Variants in CCDC194 observed in about 807,000 individuals in gnomAD.
CCDC194 encodes the protein coiled-coil domain-containing protein 194.
In CCDC194, 8 loss-of-function variants were observed where a neutral mutation model predicts 4.9. That is an observed-to-expected ratio of 1.65 (90% CI 0.97 to 2.97). The LOEUF (loss-of-function observed/expected upper bound fraction) is 2.97. Ranked by LOEUF, CCDC194 falls within the 30% of genes most tolerant of loss-of-function variation. CCDC194 has a pLI of 0.00. For missense variants in CCDC194, 52 were observed against 43.1 expected (o/e 1.21, Z -0.58); for synonymous variants, 13 against 17.0 (o/e 0.76, Z 0.58).
exon 2 of CCDC194, chr19:17,391,776 A>G: frequency 6.5e-7 from 1 of 1,535,460 alleles, no homozygotes; most frequent in Non-Finnish European, 8.7e-7. Flanking sequence ...CTCGGCCCCC[A>G]TCTGGGTCCC....
chr19:17,390,215 C>T (rs2074648826), downstream of CCDC194, among the ~76,000 whole-genome samples: 1 of 152,168 alleles, frequency 6.6e-6, no homozygotes, highest in Non-Finnish European at 1.5e-5. The surrounding 1 kb of genome is among the most constrained non-coding windows in gnomAD (Gnocchi z 5.5). Context: ...CTCCAGTCCT[C>T]ATATCTGTGG....
rs1394235695 is a variant in CCDC194, at chr19:17,390,712, A to G, written c.555-53T>C. On this transcript the variant is annotated intron_variant, in intron 3 of 3. Coordinates refer to ENST00000636079, the Ensembl canonical transcript of CCDC194. This position sits in a 1 kb window ranked among gnomAD's most constrained non-coding sequence, Gnocchi z 5.5. Reference sequence around the variant, plus strand: ...AGCCTCTGGACCCCTGTCCCCAGACATCGCCAGCCCTCATCCGCCAGAGCG... The same window carrying G: ...AGCCTCTGGACCCCTGTCCCCAGACGTCGCCAGCCCTCATCCGCCAGAGCG... 2.5e-6 allele frequency: 1 copy of G among 395,348 alleles called. No homozygotes were observed. Among genetic ancestry groups the G allele is most frequent in the Non-Finnish European group, 4.5e-6 (1 of 223,944 alleles). The allele number at this position is 395,348 out of a possible 1,614,324, so 24.5% of individuals were successfully genotyped here. A position where few individuals can be genotyped will look rare whatever the true frequency, so the allele number is the denominator to read the frequency against.
chr19:17,387,447 GC>G (rs2074639825), downstream of CCDC194, among the ~76,000 whole-genome samples: 2 of 152,078 alleles, frequency 1.3e-5, no homozygotes, highest in Non-Finnish European at 2.9e-5. Context: ...GCCGGGCACA[GC>G]GGCTCAGGCC....
downstream of CCDC194, among the ~76,000 whole-genome samples, chr19:17,388,740 A>C (rs1287020332): frequency 6.6e-6 from 1 of 151,694 alleles, no homozygotes; most frequent in African/African-American, 2.4e-5. Context: ...AGGGCTCAAG[A>C]GATCCTCCCG....
At position 17,391,860 on chromosome 19, in the gene CCDC194, G is replaced by T; in HGVS notation, c.325-14C>A. The T allele has an allele frequency of 6.7e-7, 1 of 1,500,766 alleles. No homozygotes were observed. The highest frequency in any genetic ancestry group is 8.9e-7 in the Non-Finnish European group (1 of 1,129,832). 93.0% of individuals were successfully genotyped at this position (1,500,766 alleles called of 1,614,324 possible). A position where few individuals can be genotyped will look rare whatever the true frequency, so the allele number is the denominator to read the frequency against. ...CTGAAGCCGGCTCTGAGGAGTGGAG[G>T]GGAAGTGGGAGGGGGTGTAGGCAGA... On this transcript the variant is annotated splice_polypyrimidine_tract_variant and intron_variant, in intron 1 of 3. Coordinates refer to ENST00000636079, the Ensembl canonical transcript of CCDC194.
chr19:17,387,859 C>T (rs2074641174), downstream of CCDC194, among the ~76,000 whole-genome samples: 1 of 152,000 alleles, frequency 6.6e-6, no homozygotes, highest in African/African-American at 2.4e-5. Context: ...TGGACAGACA[C>T]TTTTTCTTTT....
exon 2 of CCDC194, chr19:17,391,844 G>T: frequency 6.6e-7 from 1 of 1,521,984 alleles, no homozygotes; most frequent in South Asian, 1.2e-5. Flanking sequence ...TCTGAAGCCG[G>T]CTCTGAGGAG....
At chr19:17,388,151 G>A (rs930238290), downstream of CCDC194, among the ~76,000 whole-genome samples, 4 of 147,962 alleles carry the variant, frequency 2.7e-5, no homozygotes, top group Non-Finnish European at 5.9e-5. Context: ...CTCCCAAAGT[G>A]CTGGGATTAC....
downstream of CCDC194, chr19:17,390,381 T>G (rs536917252): frequency 1.3e-5 from 5 of 382,370 alleles, no homozygotes; most frequent in African/African-American, 8.3e-5. The surrounding 1 kb of genome is among the most constrained non-coding windows in gnomAD (Gnocchi z 5.5). Flanking sequence ...CAGTTTCCGT[T>G]CAGGACGTCT....
At chr19:17,393,881 A>C in exon 1 of CCDC194, 1 of 397,700 alleles carries the variant, frequency 2.5e-6, no homozygotes, top group East Asian at 3.6e-5. Context: ...CTCGTGCCGG[A>C]TACTTTCCGC....
chr19:17,390,221 T>C (rs2074648876), downstream of CCDC194, among the ~76,000 whole-genome samples: 1 of 152,152 alleles, frequency 6.6e-6, no homozygotes, highest in South Asian at 2.1e-4. The surrounding 1 kb of genome is among the most constrained non-coding windows in gnomAD (Gnocchi z 5.5). Context: ...TCCTCATATC[T>C]GTGGGATGAC....
Position 17,391,852 on chromosome 19 carries a change from G to T in CCDC194, c.325-6C>A. 2.6e-6 allele frequency: 4 copies of T among 1,510,228 alleles called. No individual in the cohort carries two copies. The highest frequency in any genetic ancestry group is 3.5e-6 in the Non-Finnish European group (4 of 1,134,366). 93.6% of individuals were successfully genotyped at this position (1,510,228 alleles called of 1,614,324 possible). A position where few individuals can be genotyped will look rare whatever the true frequency, so the allele number is the denominator to read the frequency against. On this transcript the variant is annotated splice_region_variant and splice_polypyrimidine_tract_variant and intron_variant, in intron 1 of 3. Transcript: ENST00000636079. The stretch of plus-strand genomic sequence containing the variant: ...AGTTGGGTCTGAAGCCGGCTCTGAG[G>T]AGTGGAGGGGAAGTGGGAGGGGGTG...
intron 1 of CCDC194, among the ~76,000 whole-genome samples, chr19:17,393,480 C>T (rs919941110): frequency 1.4e-5 from 2 of 147,808 alleles, no homozygotes; most frequent in Non-Finnish European, 3.0e-5. Flanking sequence ...CCTCCACCTT[C>T]CGGGTTCAAG....
rs539746930 is a variant in CCDC194, at chr19:17,391,183, C to T, written c.554+28G>A. 18 of 397,448 alleles carry T rather than the reference C, an allele frequency of 4.5e-5. No homozygotes were observed. The South Asian group carries it at 2.1e-3, about 47-fold the overall frequency. The allele number at this position is 397,448 out of a possible 1,614,324, so 24.6% of individuals were successfully genotyped here. ...GTCGCGCCCTCCCCGTCCATCCGAC[C>T]CCGCCCTCGGGCCAGCCCCTCACTC... On this transcript the variant is annotated intron_variant, in intron 3 of 3. Coordinates refer to ENST00000636079, the Ensembl canonical transcript of CCDC194.
downstream of CCDC194, chr19:17,390,450 C>A: frequency 3.6e-6 from 1 of 280,968 alleles, no homozygotes; most frequent in African/African-American, 4.1e-5. The surrounding 1 kb of genome is among the most constrained non-coding windows in gnomAD (Gnocchi z 5.5). Context: ...CACGTCCCCG[C>A]AGACCCCCCC....
At chr19:17,392,209 A>C (rs1327317908) in intron 1 of CCDC194, 1 of 172,512 alleles carries the variant, frequency 5.8e-6, no homozygotes, top group Non-Finnish European at 1.2e-5. Context: ...GTCGTGGCTC[A>C]CGCCTGTAAT....
At chr19:17,391,418 G>T in intron 2 of CCDC194, 75 bp from the exon 3 acceptor site, 1 of 496,458 alleles carries the variant, frequency 2.0e-6, no homozygotes. Flanking sequence ...AATCCAAGTT[G>T]ATAGTCTGCA....
intron 1 of CCDC194, 111 bp from the exon 2 acceptor site, chr19:17,391,957 C>CTTTGTGTGGAATGTCCT: frequency 9.6e-7 from 1 of 1,038,574 alleles, no homozygotes; most frequent in Non-Finnish European, 1.3e-6. Context: ...GTGTCCTGAG[C>CTTTGTGTGGAATGTCCT]TTTGTGTGGA....
chr19:17,389,792 C>T (rs2074647567), downstream of CCDC194, among the ~76,000 whole-genome samples: 1 of 152,106 alleles, frequency 6.6e-6, no homozygotes, highest in Non-Finnish European at 1.5e-5. Flanking sequence ...TGGTGTAACC[C>T]CGTCTCTACT....
Sources: gnomAD v4.1 joint callset for allele counts (sites outside exome capture counted in the v4.1 genomes callset) on GRCh38, gnomAD v4.1.1 for gene constraint, Gnocchi (gnomAD v3.1) non-coding constraint, MANE v1.5 for transcripts, NCBI Gene and HGNC (gene_info 2026-07-23, HGNC 2026-07-21) for gene names.